The following CHCHD3 variants were observed in gnomAD, a reference collection of about 807,000 sequenced individuals.
The protein encoded by CHCHD3 is MICOS complex subunit MIC19.
In CHCHD3, 20 loss-of-function variants were observed where a neutral mutation model predicts 38.2. The observed-to-expected ratio is 0.52, with a 90% CI of 0.37 to 0.76. The LOEUF is 0.76. Ranked by LOEUF, CHCHD3 falls within the 30% of genes least tolerant of loss-of-function variation. The pLI is 0.00. For synonymous variants in CHCHD3, 82 were observed against 100.0 expected (o/e 0.82, Z 1.07); for missense variants, 245 against 279.2 (o/e 0.88, Z 0.87).
chr7:132,876,515 C>A (rs1245057770), intron 5 of CHCHD3, among the ~76,000 whole-genome samples: 2 of 152,236 alleles, frequency 1.3e-5, no homozygotes, highest in East Asian at 3.9e-4. Flanking sequence ...TAAACAGAAT[C>A]TAATTATTTT....
intron 4 of CHCHD3, among the ~76,000 whole-genome samples, chr7:132,970,266 C>G (rs184361082): frequency 5.3e-5 from 8 of 152,316 alleles, no homozygotes; most frequent in Admixed American, 4.6e-4. Flanking sequence ...ACTCATACTT[C>G]AAGAGTCAGC....
intron 1 of CHCHD3, among the ~76,000 whole-genome samples, chr7:133,077,268 C>T (rs184511156): frequency 6.6e-6 from 1 of 152,192 alleles, no homozygotes; most frequent in African/African-American, 2.4e-5. Flanking sequence ...CACTACTTAA[C>T]TAAATTTGCA....
intron 5 of CHCHD3, among the ~76,000 whole-genome samples, chr7:132,841,743 C>T (rs1472237817): frequency 6.6e-6 from 1 of 152,062 alleles, no homozygotes; most frequent in Non-Finnish European, 1.5e-5. Flanking sequence ...ACGGGCTTTG[C>T]TGGGTTGCTA....
At chr7:132,936,212 T>C (rs1198599736) in intron 4 of CHCHD3, among the ~76,000 whole-genome samples, 1 of 152,316 alleles carries the variant, frequency 6.6e-6, no homozygotes, top group East Asian at 1.9e-4. Flanking sequence ...ACAGGCATTA[T>C]TGTCCCCTCT....
chr7:133,006,947 A>G (rs1812717340), intron 3 of CHCHD3, among the ~76,000 whole-genome samples: 1 of 152,234 alleles, frequency 6.6e-6, no homozygotes, highest in South Asian at 2.1e-4. Flanking sequence ...AGGACACTAT[A>G]ATACCACTTG....
At chr7:133,002,882 C>A (rs1446187670) in intron 3 of CHCHD3, among the ~76,000 whole-genome samples, 3 of 152,046 alleles carry the variant, frequency 2.0e-5, no homozygotes, top group African/African-American at 7.2e-5. Context: ...GTTTAAATAG[C>A]AATTGAGCAA....
intron 4 of CHCHD3, among the ~76,000 whole-genome samples, chr7:132,940,639 G>A (rs984378323): frequency 2.0e-5 from 3 of 152,074 alleles, no homozygotes; most frequent in African/African-American, 7.2e-5. Context: ...TTCAACGTCT[G>A]GCTTTCAGCA....
intron 4 of CHCHD3, among the ~76,000 whole-genome samples, chr7:132,955,173 G>GGGGGGTGTGTGTGTGTGT (rs138213006): frequency 2.1e-4 from 26 of 126,288 alleles, no homozygotes; most frequent in African/African-American, 7.2e-4. Flanking sequence ...TCCCTCAGAG[G>GGGGGGTGTGTGTGTGTGT]GTGTGTGTGT....
At chr7:132,940,010 A>G (rs936756885) in intron 4 of CHCHD3, among the ~76,000 whole-genome samples, 1 of 152,202 alleles carries the variant, frequency 6.6e-6, no homozygotes, top group African/African-American at 2.4e-5. Context: ...GTTATCTAAA[A>G]GGCGTGAGTG....
At chr7:132,971,980 A>G (rs1422585790) in intron 4 of CHCHD3, among the ~76,000 whole-genome samples, 1 of 151,104 alleles carries the variant, frequency 6.6e-6, no homozygotes, top group African/African-American at 2.5e-5. Context: ...AACAAACAAC[A>G]GCAGGCTTGC....
At chr7:132,983,946 T>C (rs1424880987) in intron 3 of CHCHD3, among the ~76,000 whole-genome samples, 6 of 147,766 alleles carry the variant, frequency 4.1e-5, no homozygotes, top group African/African-American at 1.3e-4. Flanking sequence ...GTATTGAAAA[T>C]ACAACTTCTC....
intron 4 of CHCHD3, among the ~76,000 whole-genome samples, chr7:132,942,263 G>GT (rs1282810826): frequency 1.3e-5 from 2 of 152,188 alleles, no homozygotes; most frequent in African/African-American, 4.8e-5. Context: ...ACAGTGACTA[G>GT]TTTATCACCC....
chr7:132,983,008 T>C (rs1811958721), intron 3 of CHCHD3, among the ~76,000 whole-genome samples: 1 of 152,126 alleles, frequency 6.6e-6, no homozygotes, highest in Non-Finnish European at 1.5e-5. Context: ...TATCATAAAA[T>C]ATATACGAAT....
chr7:133,011,613 A>G (rs984703506), intron 3 of CHCHD3, among the ~76,000 whole-genome samples: 1 of 152,200 alleles, frequency 6.6e-6, no homozygotes, highest in Non-Finnish European at 1.5e-5. Flanking sequence ...CCCATGGGGA[A>G]GGGAGCAAAA....
At chr7:132,970,935 CT>C (rs1175061065) in intron 4 of CHCHD3, among the ~76,000 whole-genome samples, 1 of 151,984 alleles carries the variant, frequency 6.6e-6, no homozygotes. Flanking sequence ...TCTGTCTCTA[CT>C]TAAATTTTTA....
At position 132,860,316 on chromosome 7, in the gene CHCHD3, A is replaced by AGAG. The variant is rs1554377218; in HGVS notation, c.454-21848_454-21847insCTC. Reference sequence around the variant, plus strand: ...AGATAGATAGATAGAGAGAGAGAGAAAGAGAGAGAGAGAGAGAGAACACAA... The same window carrying AGAG: ...AGATAGATAGATAGAGAGAGAGAGAAGAGAGAGAGAGAGAGAGAGAGAACACAA... On this transcript the variant is annotated intron_variant, in intron 5 of 7. Transcript: ENST00000262570. Among the ~76,000 whole-genome samples the AGAG allele has an allele frequency of 6.5e-3, 881 of 134,700 alleles. 6 individuals are homozygous for AGAG. Among genetic ancestry groups the AGAG allele is most frequent in the Middle Eastern group, 0.028 (7 of 250 alleles). 88.4% of individuals were successfully genotyped at this position (134,700 alleles called of 152,430 possible).
chr7:133,070,244 T>C lies in CHCHD3; in HGVS notation c.82-15A>G, dbSNP rs376455264. On this transcript the variant is annotated splice_polypyrimidine_tract_variant and intron_variant, in intron 1 of 7. Transcript: ENST00000262570. ...TTTTCCGAAAGCTGGAAAAGCAACATCAAAATAAAATCAATTATAAAACAG... is the reference window on the plus strand; with the variant it reads ...TTTTCCGAAAGCTGGAAAAGCAACACCAAAATAAAATCAATTATAAAACAG... 43 of 1,604,536 alleles carry C rather than the reference T, an allele frequency of 2.7e-5. No homozygotes were observed. The highest frequency in any genetic ancestry group is 3.5e-5 in the Non-Finnish European group (41 of 1,174,508).
At chr7:132,792,919 G>C (rs1806500646) in intron 7 of CHCHD3, among the ~76,000 whole-genome samples, 1 of 152,218 alleles carries the variant, frequency 6.6e-6, no homozygotes, top group South Asian at 2.1e-4. Context: ...GCTTAGACTA[G>C]CAACTCCCAA....
chr7:132,952,967 T>C (rs1444955744), intron 4 of CHCHD3, among the ~76,000 whole-genome samples: 2 of 152,224 alleles, frequency 1.3e-5, no homozygotes, highest in African/African-American at 2.4e-5. Context: ...TTCAGAACCA[T>C]GTGGTAATAA....
Sources: gnomAD v4.1 joint callset for allele counts (sites outside exome capture counted in the v4.1 genomes callset) on GRCh38, gnomAD v4.1.1 for gene constraint, MANE v1.5 for transcripts, NCBI Gene and HGNC (gene_info 2026-07-23, HGNC 2026-07-21) for gene names.